IL1R1: variants seen among roughly 807,000 people sequenced by gnomAD.
IL1R1 encodes interleukin 1 receptor type 1, also known as interleukin-1 receptor type 1.
Under a neutral mutation model 50.2 loss-of-function variants are expected in IL1R1, and 22 were observed. The ratio of observed to expected loss-of-function variants is 0.44; its 90% CI spans 0.31 to 0.63. The LOEUF (loss-of-function observed/expected upper bound fraction) is 0.63, where lower values mean the gene tolerates loss of function less well. Among genes scored for constraint, IL1R1 ranks in the 20% least tolerant of loss-of-function variants. The probability of loss-of-function intolerance (pLI) is 0.07; values close to 1 mark genes in which losing one functional copy is unlikely to be tolerated. For missense variants in IL1R1, 509 were observed against 676.2 expected, an observed-to-expected ratio of 0.75 and a Z score of 2.74; for synonymous variants, 251 against 236.7, an observed-to-expected ratio of 1.06 and a Z score of -0.55.
intron 1 of IL1R1, among the ~76,000 whole-genome samples, chr2:102,074,507 A>ATGGAAGCTGT (rs1678878700): frequency 1.3e-5 from 2 of 151,624 alleles, no homozygotes; most frequent in Admixed American, 1.3e-4. Context: ...AAGTGCAGAC[A>ATGGAAGCTGT]TGGAAGCTGT....
upstream of IL1R1, among the ~76,000 whole-genome samples, chr2:102,139,031 C>G (rs1351951838): frequency 6.6e-6 from 1 of 152,064 alleles, no homozygotes; most frequent in Non-Finnish European, 1.5e-5. Context: ...GAATTCTTTC[C>G]TTCCAAACCC....
At position 102,074,060 on chromosome 2, in the gene IL1R1, C is replaced by T. The variant is rs189827177; in HGVS notation, c.-84+3527C>T. ...TTCATCTTGTGAGTGATGAGCAGCA[C>T]GTGGTCTCTAGGTTTGCAATATAAT... On this transcript the variant is annotated intron_variant, in intron 1 of 11. Coordinates refer to the IL1R1 transcript ENST00000409929. Among the ~76,000 whole-genome samples the T allele has an allele frequency of 7.2e-5, 11 of 152,246 alleles. No homozygotes were observed. The South Asian group carries it at 1.4e-3, about 20-fold the overall frequency.
intron 7 of IL1R1, among the ~76,000 whole-genome samples, chr2:102,169,117 T>C (rs552967586): frequency 1.2e-3 from 178 of 152,306 alleles, no homozygotes; most frequent in African/African-American, 4.1e-3. Flanking sequence ...TTCTGAAGAA[T>C]TGATCATTGT....
chr2:102,073,394 G>A (rs1678823317), intron 1 of IL1R1, among the ~76,000 whole-genome samples: 1 of 152,254 alleles, frequency 6.6e-6, no homozygotes, highest in South Asian at 2.1e-4. Context: ...AGAAAAGCTG[G>A]GGTGGAAAGA....
intron 1 of IL1R1, among the ~76,000 whole-genome samples, chr2:102,097,550 G>A (rs1292086579): frequency 1.3e-5 from 2 of 152,036 alleles, no homozygotes; most frequent in Non-Finnish European, 2.9e-5. Context: ...TATTAGGAAT[G>A]AACAGGGATG....
At chr2:102,131,694 C>T (rs73943987) in intron 1 of IL1R1, among the ~76,000 whole-genome samples, 3,953 of 151,376 alleles carry the variant, frequency 0.026, 113 homozygotes, top group African/African-American at 0.069. Flanking sequence ...AAGAACAGAG[C>T]ATCACGAAAC....
chr2:102,172,643 T>G, intron 8 of IL1R1, 44 bp from the exon 9 acceptor site: 3 of 1,518,420 alleles, frequency 2.0e-6, no homozygotes, highest in Non-Finnish European at 2.7e-6. Context: ...TTGTAGTTGA[T>G]GCAATTAACT....
rs768674843 is a variant in IL1R1, at chr2:102,176,684, T to G, written c.1635T>G (p.Pro545=). Residue 545 remains proline, a synonymous_variant, in exon 12 of 12, where the codon CCT becomes CCG. Coordinates refer to ENST00000410023, the MANE Select transcript of IL1R1 (RefSeq NM_000877.4). The part of the protein sequence containing the change: ...RYHMPVQRRS[P]SSKHQLLSPA... ...ACATGCCAGTCCAGCGACGGTCACC[T>G]TCATCTAAACACCAGTTACTGTCAC... 1.2e-6 allele frequency: 2 copies of G among 1,614,182 alleles called. No individual in the cohort carries two copies. The highest frequency in any genetic ancestry group is 2.2e-5 in the South Asian group (2 of 91,078).
chr2:102,159,442 C>G (rs990924016), intron 3 of IL1R1, among the ~76,000 whole-genome samples: 10 of 152,156 alleles, frequency 6.6e-5, no homozygotes, highest in African/African-American at 2.4e-4. Context: ...ACCTCAGAGT[C>G]ATCCAGAAAT....
intron 1 of IL1R1, among the ~76,000 whole-genome samples, chr2:102,090,210 A>G (rs1444756304): frequency 2.8e-5 from 4 of 142,046 alleles, no homozygotes; most frequent in African/African-American, 5.3e-5. Flanking sequence ...CATCACCACC[A>G]CCACCTACCA....
At chr2:102,163,610 T>A (rs551448555) in intron 3 of IL1R1, among the ~76,000 whole-genome samples, 2 of 152,338 alleles carry the variant, frequency 1.3e-5, no homozygotes, top group African/African-American at 4.8e-5. Flanking sequence ...TCCTGTAGCA[T>A]CTTGAATAAA....
intron 1 of IL1R1, among the ~76,000 whole-genome samples, chr2:102,126,412 T>C (rs1299942068): frequency 1.3e-5 from 2 of 152,354 alleles, no homozygotes; most frequent in East Asian, 3.9e-4. Flanking sequence ...AGATCTTTTA[T>C]AAACTTACAG....
chr2:102,105,926 A>G (rs922645288), intron 1 of IL1R1, among the ~76,000 whole-genome samples: 2 of 152,130 alleles, frequency 1.3e-5, no homozygotes, highest in African/African-American at 4.8e-5. Flanking sequence ...CTTGATCTCC[A>G]TTTATCCTTG....
At chr2:102,138,978 T>C (rs1426359513), upstream of IL1R1, among the ~76,000 whole-genome samples, 1 of 152,172 alleles carries the variant, frequency 6.6e-6, no homozygotes, top group Non-Finnish European at 1.5e-5. Flanking sequence ...TCCCCACTGG[T>C]TCAAGACTCA....
chr2:102,160,532 T>A (rs1378126904), intron 3 of IL1R1, among the ~76,000 whole-genome samples: 2 of 152,084 alleles, frequency 1.3e-5, no homozygotes, highest in Non-Finnish European at 2.9e-5. Context: ...AGTTCCTAGG[T>A]GTGTTGTGGA....
chr2:102,154,286 C>T (rs534254307), intron 2 of IL1R1, among the ~76,000 whole-genome samples: 1 of 152,304 alleles, frequency 6.6e-6, no homozygotes, highest in East Asian at 1.9e-4. Context: ...TGATGGGTTC[C>T]AGTGCTGTGG....
chr2:102,121,467 C>T (rs1303948566), intron 1 of IL1R1, among the ~76,000 whole-genome samples: 3 of 152,230 alleles, frequency 2.0e-5, no homozygotes, highest in Non-Finnish European at 4.4e-5. Flanking sequence ...TCAGTTTCTA[C>T]TCCTTCTTCT....
chr2:102,106,982 C>T (rs201097419), intron 1 of IL1R1, among the ~76,000 whole-genome samples: 3 of 152,052 alleles, frequency 2.0e-5, no homozygotes, highest in East Asian at 3.9e-4. Context: ...GTTATCTCAA[C>T]GAGTTTTCCT....
chr2:102,125,503 G>A (rs1033582180), intron 1 of IL1R1, among the ~76,000 whole-genome samples: 9 of 152,174 alleles, frequency 5.9e-5, no homozygotes, highest in African/African-American at 2.2e-4. Flanking sequence ...ATGAAGGTAT[G>A]TTCAGAATGA....
Sources: gnomAD v4.1 joint callset for allele counts (sites outside exome capture counted in the v4.1 genomes callset) on GRCh38, gnomAD v4.1.1 for gene constraint, MANE v1.5 for transcripts, NCBI Gene and HGNC (gene_info 2026-07-23, HGNC 2026-07-21) for gene names.